The following OSTN variants were observed in gnomAD, a reference collection of about 807,000 sequenced individuals.
OSTN encodes the protein osteocrin.
OSTN carries 9 observed loss-of-function variants against 12.0 expected under a neutral mutation model. That is an observed-to-expected ratio of 0.75 (90% confidence interval 0.45 to 1.30). The LOEUF (loss-of-function observed/expected upper bound fraction) is 1.30, where lower values mean the gene tolerates loss of function less well. Among genes scored for constraint, OSTN ranks in the 50% most tolerant of loss-of-function variants. The probability of loss-of-function intolerance (pLI) is 0.00; values close to 1 mark genes in which losing one functional copy is unlikely to be tolerated. For synonymous variants in OSTN, 59 were observed against 56.9 expected, an observed-to-expected ratio of 1.04 and a Z score of -0.16; for missense variants, 148 against 152.3, an observed-to-expected ratio of 0.97 and a Z score of 0.15.
In OSTN at chr3:191,241,167, C is replaced by CTTTTTTTTTTTTTTTTTTTTTTTT. The variant is rs575332839; in HGVS notation, c.318-8864_318-8841dup. Among the ~76,000 whole-genome samples the CTTTTTTTTTTTTTTTTTTTTTTTT allele has an allele frequency of 4.3e-5, 2 of 46,468 alleles. 1 individual carries two copies. Among genetic ancestry groups the CTTTTTTTTTTTTTTTTTTTTTTTT allele is most frequent in the Admixed American group, 7.5e-4 (2 of 2,666 alleles). 30.5% of individuals were successfully genotyped at this position (46,468 alleles called of 152,430 possible). Reference sequence around the variant, plus strand: ...AAGTTGGTGGAGCTCTGTGCCTTGACTTTTTTTTTTTTTTTTTTTTTTTTT... The same window carrying CTTTTTTTTTTTTTTTTTTTTTTTT: ...AAGTTGGTGGAGCTCTGTGCCTTGACTTTTTTTTTTTTTTTTTTTTTTTTTTTTTTTTTTTTTTTTTTTTTTTTT... On this transcript the variant is annotated intron_variant, in intron 3 of 4. Coordinates refer to ENST00000682035, the MANE Select transcript of OSTN (RefSeq NM_198184.2).
chr3:191,224,100 G>A (rs575242384), intron 3 of OSTN, among the ~76,000 whole-genome samples: 77 of 152,106 alleles, frequency 5.1e-4, no homozygotes, highest in African/African-American at 1.5e-3. Flanking sequence ...TAATAAGGCC[G>A]GGCACCATGA....
At chr3:191,237,441 G>A (rs1300189062) in intron 3 of OSTN, among the ~76,000 whole-genome samples, 1 of 152,168 alleles carries the variant, frequency 6.6e-6, no homozygotes, top group African/African-American at 2.4e-5. Flanking sequence ...TTTTAGAGTG[G>A]GGTGGAAGTT....
intron 4 of OSTN, among the ~76,000 whole-genome samples, chr3:191,260,472 G>C (rs1014185542): frequency 1.3e-5 from 2 of 151,886 alleles, no homozygotes; most frequent in African/African-American, 4.8e-5. Flanking sequence ...TCTGAGGGGG[G>C]TGCCAGTCAC....
At chr3:191,222,695 A>G (rs905330031) in intron 3 of OSTN, among the ~76,000 whole-genome samples, 1 of 152,136 alleles carries the variant, frequency 6.6e-6, no homozygotes, top group Non-Finnish European at 1.5e-5. Context: ...GGGAGGGGCC[A>G]GGGATGGAAT....
intron 3 of OSTN, among the ~76,000 whole-genome samples, chr3:191,232,207 T>C (rs1453230052): frequency 6.6e-6 from 1 of 151,358 alleles, no homozygotes; most frequent in East Asian, 1.9e-4. Flanking sequence ...GGCACTCAAC[T>C]GTAATCCCAG....
intron 1 of OSTN, among the ~76,000 whole-genome samples, chr3:191,210,618 T>G (rs1191533248): frequency 1.3e-5 from 2 of 152,184 alleles, no homozygotes; most frequent in African/African-American, 2.4e-5. Context: ...TTATTCAAGG[T>G]TACACTGATA....
chr3:191,258,598 T>C (rs904952989), intron 4 of OSTN, among the ~76,000 whole-genome samples: 6 of 151,268 alleles, frequency 4.0e-5, no homozygotes, highest in East Asian at 1.9e-4. Context: ...CCAGGGCACA[T>C]GTATAGCTAT....
intron 3 of OSTN, 77 bp downstream of exon 3, chr3:191,219,038 ATG>A: frequency 7.6e-7 from 1 of 1,309,134 alleles, no homozygotes; most frequent in Admixed American, 2.2e-5. Context: ...AGAATTCCAC[ATG>A]AAAAATACAG....
chr3:191,238,175 A>T (rs760278353), intron 3 of OSTN, among the ~76,000 whole-genome samples: 8 of 152,130 alleles, frequency 5.3e-5, no homozygotes, highest in Non-Finnish European at 8.8e-5. Context: ...CAAAAAAGGG[A>T]TACAGTGTTA....
In OSTN at chr3:191,249,910, G is replaced by A. The variant is rs139186558; in HGVS notation, c.318-127G>A. The A allele has an allele frequency of 6.0e-6, 4 of 670,734 alleles. No individual in the cohort carries two copies. The Admixed American group carries it at 7.3e-5, about 12-fold the overall frequency. 41.5% of individuals were successfully genotyped at this position (670,734 alleles called of 1,614,324 possible). On this transcript the variant is annotated intron_variant, in intron 3 of 4. Coordinates refer to ENST00000682035, the MANE Select transcript of OSTN (RefSeq NM_198184.2). Reference sequence around the variant, plus strand: ...TGTCTGGCACATAGTGAGTACTGGTGAGTGGGAACTATCATGTTTATTCCA... The same window carrying A: ...TGTCTGGCACATAGTGAGTACTGGTAAGTGGGAACTATCATGTTTATTCCA...
At chr3:191,235,054 C>G (rs1048947524) in intron 3 of OSTN, among the ~76,000 whole-genome samples, 3 of 152,062 alleles carry the variant, frequency 2.0e-5, no homozygotes, top group Non-Finnish European at 4.4e-5. Flanking sequence ...TATTATACCA[C>G]CTAATTGAAA....
chr3:191,242,291 T>C (rs1405347992), intron 3 of OSTN, among the ~76,000 whole-genome samples: 2 of 152,192 alleles, frequency 1.3e-5, no homozygotes, highest in African/African-American at 4.8e-5. Flanking sequence ...AAAAGGTCTT[T>C]TGGAGAACAT....
chr3:191,253,948 G>A (rs1327891231), intron 4 of OSTN, among the ~76,000 whole-genome samples: 1 of 152,210 alleles, frequency 6.6e-6, no homozygotes, highest in Non-Finnish European at 1.5e-5. Context: ...CAAACTAACA[G>A]CTTTGGAGAG....
chr3:191,241,524 C>T (rs1330065475), intron 3 of OSTN, among the ~76,000 whole-genome samples: 1 of 151,976 alleles, frequency 6.6e-6, no homozygotes, highest in Non-Finnish European at 1.5e-5. Context: ...CATTTTAGTG[C>T]CCCTTTAAGT....
rs185229758 is a variant in OSTN at position 191,204,685 on chromosome 3, A to G, written c.-1+5378A>G. On this transcript the variant is annotated intron_variant, in intron 1 of 4. Coordinates refer to ENST00000682035, the MANE Select transcript of OSTN (RefSeq NM_198184.2). Reference sequence around the variant, plus strand: ...ATCATCTGGGTGCTTCCCTAATCAAAGAAAGCTAGAAAAACCTTCTTTAAA... The same window carrying G: ...ATCATCTGGGTGCTTCCCTAATCAAGGAAAGCTAGAAAAACCTTCTTTAAA... Among the ~76,000 whole-genome samples the G allele has an allele frequency of 1.7e-4, 26 of 152,366 alleles. No homozygotes were observed. In the East Asian group the frequency reaches 4.8e-3, roughly 28 times the overall value.
intron 4 of OSTN, among the ~76,000 whole-genome samples, chr3:191,258,196 G>C (rs1057486318): frequency 6.6e-6 from 1 of 152,196 alleles, no homozygotes; most frequent in Non-Finnish European, 1.5e-5. Flanking sequence ...TGAATGCCAA[G>C]ATTCCTTAGG....
At chr3:191,220,586 A>G (rs1303811338) in intron 3 of OSTN, among the ~76,000 whole-genome samples, 1 of 152,186 alleles carries the variant, frequency 6.6e-6, no homozygotes, top group Non-Finnish European at 1.5e-5. Context: ...GGTTCCTCAG[A>G]AAACTAAAAA....
chr3:191,256,380 G>A (rs928587059), intron 4 of OSTN, among the ~76,000 whole-genome samples: 2 of 151,816 alleles, frequency 1.3e-5, no homozygotes, highest in African/African-American at 4.8e-5. Flanking sequence ...AGGTAGTTGA[G>A]GTAAAAAAGA....
chr3:191,210,055 G>A (rs1171033654), intron 1 of OSTN, among the ~76,000 whole-genome samples: 3 of 152,190 alleles, frequency 2.0e-5, no homozygotes, highest in East Asian at 1.9e-4. Flanking sequence ...TACACAGGCC[G>A]TACAGGAAGC....
Sources: allele counts gnomAD v4.1 joint callset (sites outside exome capture counted in the v4.1 genomes callset), GRCh38; gene constraint gnomAD v4.1.1; transcripts MANE v1.5; gene names NCBI Gene and HGNC (gene_info 2026-07-23, HGNC 2026-07-21).